Variants in RBPMS observed in about 807,000 individuals in gnomAD.
RBPMS encodes the protein RNA-binding protein with multiple splicing.
A neutral mutation model predicts 26.8 loss-of-function variants in RBPMS; 7 were observed. The observed-to-expected ratio is 0.26, with a 90% CI of 0.15 to 0.49. The LOEUF is 0.49. Ranked by LOEUF, RBPMS falls within the 20% of genes least tolerant of loss-of-function variation. RBPMS has a pLI of 0.98. For synonymous variants in RBPMS, 96 were observed against 93.3 expected, an observed-to-expected ratio of 1.03 and a Z score of -0.17; for missense variants, 186 against 250.0, an observed-to-expected ratio of 0.74 and a Z score of 1.73.
chr8:30,505,286 G>GT (rs1205018518), intron 5 of RBPMS, among the ~76,000 whole-genome samples: 7 of 152,196 alleles, frequency 4.6e-5, no homozygotes, highest in African/African-American at 1.7e-4. Flanking sequence ...CTGTCCTGTT[G>GT]TTTTTGGTCT....
intron 5 of RBPMS, among the ~76,000 whole-genome samples, chr8:30,543,659 G>A (rs934816558): frequency 1.3e-5 from 2 of 152,136 alleles, no homozygotes; most frequent in African/African-American, 4.8e-5. Context: ...GCTCCCTCAT[G>A]TGTTTGCTGT....
At chr8:30,549,804 T>TCTCTCCCCCC (rs1383466717) in intron 6 of RBPMS, among the ~76,000 whole-genome samples, 2 of 102,796 alleles carry the variant, frequency 1.9e-5, no homozygotes, top group Non-Finnish European at 3.7e-5. Context: ...CTCCCCTCTC[T>TCTCTCCCCCC]CCTCTCTCTC....
chr8:30,411,850 G>A (rs1190777539), intron 1 of RBPMS, among the ~76,000 whole-genome samples: 1 of 151,966 alleles, frequency 6.6e-6, no homozygotes, highest in Non-Finnish European at 1.5e-5. Context: ...GCTGGGCGTT[G>A]TGGTCTGTGC....
chr8:30,417,121 CT>C (rs912964823), intron 1 of RBPMS, among the ~76,000 whole-genome samples: 4 of 151,856 alleles, frequency 2.6e-5, no homozygotes, highest in Non-Finnish European at 5.9e-5. Flanking sequence ...ACAGATGGAC[CT>C]TTTTTTTATT....
chr8:30,453,021 C>T (rs1388972948), intron 1 of RBPMS, among the ~76,000 whole-genome samples: 1 of 152,210 alleles, frequency 6.6e-6, no homozygotes, highest in East Asian at 1.9e-4. Flanking sequence ...CTTCTTTCCC[C>T]TTCCTCGTGG....
At chr8:30,436,793 A>G (rs1014478481) in intron 1 of RBPMS, among the ~76,000 whole-genome samples, 1 of 152,148 alleles carries the variant, frequency 6.6e-6, no homozygotes, top group Non-Finnish European at 1.5e-5. Flanking sequence ...CGTTGTGTCA[A>G]ATTTATAAAG....
chr8:30,483,588 T>A (rs1488682897), intron 4 of RBPMS, among the ~76,000 whole-genome samples: 6 of 151,964 alleles, frequency 3.9e-5, no homozygotes, highest in African/African-American at 1.2e-4. Context: ...TATTACATTA[T>A]TTTTTTTAAT....
rs542955676 is a variant in RBPMS at position 30,411,999 on chromosome 8, A to G, written c.66+26841A>G. On this transcript the variant is annotated intron_variant, in intron 1 of 8. Transcript: ENST00000397323. ...AGACTTCGTCTCAAAAAAAAAAAAA[A>G]AACAAAAACAAAAACAGAAGAAGGA... is the stretch of plus-strand genomic sequence containing the variant. Among the ~76,000 whole-genome samples, 104 of 141,518 alleles carry G rather than the reference A, an allele frequency of 7.3e-4. 4 individuals are homozygous for G. In the South Asian group the frequency reaches 0.022, roughly 30 times the overall value. 92.8% of individuals were successfully genotyped at this position (141,518 alleles called of 152,430 possible).
intron 1 of RBPMS, chr8:30,446,872 G>T (rs1372407270): frequency 6.6e-6 from 1 of 151,466 alleles, no homozygotes; most frequent in Non-Finnish European, 1.5e-5. Flanking sequence ...GGAGGGTAGT[G>T]GGGTAGAGAT....
intron 7 of RBPMS, among the ~76,000 whole-genome samples, chr8:30,561,176 C>T (rs570716383): frequency 6.6e-6 from 1 of 151,840 alleles, no homozygotes; most frequent in Non-Finnish European, 1.5e-5. Context: ...GATTTTTTTG[C>T]TCCAGGGAAT....
chr8:30,540,416 G>A (rs543664229), intron 5 of RBPMS, among the ~76,000 whole-genome samples: 82 of 152,232 alleles, frequency 5.4e-4, no homozygotes, highest in Non-Finnish European at 8.5e-4. Context: ...AGGGTTTTAA[G>A]CGGGAGTGAC....
chr8:30,493,868 A>G (rs1242773317), intron 4 of RBPMS, among the ~76,000 whole-genome samples: 1 of 152,150 alleles, frequency 6.6e-6, no homozygotes, highest in East Asian at 1.9e-4. Flanking sequence ...CGCTTCTTCA[A>G]AGGCCCTGTC....
intron 5 of RBPMS, among the ~76,000 whole-genome samples, chr8:30,536,399 C>A (rs1203587977): frequency 1.3e-5 from 2 of 152,064 alleles, no homozygotes; most frequent in African/African-American, 4.8e-5. Context: ...AGTGCTGGGA[C>A]TATAAGCGTG....
At chr8:30,550,767 A>G (rs960392278) in intron 6 of RBPMS, among the ~76,000 whole-genome samples, 3 of 152,186 alleles carry the variant, frequency 2.0e-5, no homozygotes, top group Non-Finnish European at 2.9e-5. Context: ...GCCTCCCCAA[A>G]CCAGGCTGGA....
intron 4 of RBPMS, among the ~76,000 whole-genome samples, chr8:30,491,836 C>T (rs1360945389): frequency 6.6e-6 from 1 of 152,164 alleles, no homozygotes; most frequent in Non-Finnish European, 1.5e-5. Context: ...TTCTCTTAGC[C>T]TGCCTACCTC....
chr8:30,524,375 A>T (rs1221634121), intron 5 of RBPMS, among the ~76,000 whole-genome samples: 1 of 152,184 alleles, frequency 6.6e-6, no homozygotes, highest in Non-Finnish European at 1.5e-5. Context: ...GCCAACAGCC[A>T]TGTACCAGAA....
At chr8:30,549,795 T>TCTCTCTCTCC (rs1298441943) in intron 6 of RBPMS, among the ~76,000 whole-genome samples, 18 of 100,744 alleles carry the variant, frequency 1.8e-4, no homozygotes, top group African/African-American at 7.1e-4. Flanking sequence ...TCTCTCTCTC[T>TCTCTCTCTCC]CCCCTCTCTC....
chr8:30,524,742 TG>T (rs1442842327), intron 5 of RBPMS, among the ~76,000 whole-genome samples: 1 of 152,216 alleles, frequency 6.6e-6, no homozygotes, highest in African/African-American at 2.4e-5. Flanking sequence ...ATCCAGCCAT[TG>T]ATAATCATTA....
intron 7 of RBPMS, chr8:30,562,168 TA>T (rs1346187550): frequency 5.1e-6 from 2 of 392,060 alleles, no homozygotes; most frequent in Non-Finnish European, 6.9e-6. Flanking sequence ...CCGTCTCTAC[TA>T]AAAATACAAA....
Sources: gnomAD v4.1 joint callset for allele counts (sites outside exome capture counted in the v4.1 genomes callset) on GRCh38, gnomAD v4.1.1 for gene constraint, MANE v1.5 for transcripts, NCBI Gene and HGNC (gene_info 2026-07-23, HGNC 2026-07-21) for gene names.